NOX4: variants seen among roughly 807,000 people sequenced by gnomAD.
NOX4 encodes the protein kidney oxidase-1.
In NOX4, 69 loss-of-function variants were observed where a neutral mutation model predicts 87.6. The observed-to-expected ratio is 0.79, with a 90% confidence interval of 0.65 to 0.96. The LOEUF is 0.96. NOX4 is among the 40% of genes least tolerant of loss of function. The pLI, the probability that NOX4 is intolerant of heterozygous loss-of-function variation, is 0.00. For synonymous variants in NOX4, 275 were observed against 238.2 expected (o/e 1.15, Z -1.42); for missense variants, 680 against 681.5 (o/e 1.00, Z 0.02).
chr11:89,410,726 T>C (rs1294605481), intron 8 of NOX4, among the ~76,000 whole-genome samples: 1 of 152,126 alleles, frequency 6.6e-6, no homozygotes, highest in African/African-American at 2.4e-5. Flanking sequence ...AAAACCTAAG[T>C]CTCAGCAAGC....
At chr11:89,504,642 A>G in the NOX4 span, among the ~76,000 whole-genome samples, 1 of 152,014 alleles carries the variant, frequency 6.6e-6, no homozygotes, top group Non-Finnish European at 1.5e-5. Flanking sequence ...TTCAACTGCT[A>G]GTCTAAGTTC....
the NOX4 span, among the ~76,000 whole-genome samples, chr11:89,537,611 A>C: frequency 6.6e-6 from 1 of 152,062 alleles, no homozygotes; most frequent in Non-Finnish European, 1.5e-5. Flanking sequence ...ATAGACACTC[A>C]GGGCCCCCCC....
intron 7 of NOX4, among the ~76,000 whole-genome samples, chr11:89,425,580 A>G (rs1194012170): frequency 6.6e-6 from 1 of 152,074 alleles, no homozygotes; most frequent in East Asian, 1.9e-4. Context: ...GGCAAAAAGT[A>G]AATTAAAAGT....
chr11:89,439,011 T>G (rs1393364133), intron 6 of NOX4, among the ~76,000 whole-genome samples: 3 of 113,846 alleles, frequency 2.6e-5, no homozygotes, highest in Non-Finnish European at 5.1e-5. Flanking sequence ...ATTAGTAATA[T>G]TAGTATAATC....
At chr11:89,387,278 G>A (rs374024310) in intron 11 of NOX4, among the ~76,000 whole-genome samples, 38 of 152,158 alleles carry the variant, frequency 2.5e-4, no homozygotes, top group African/African-American at 7.7e-4. Flanking sequence ...GAAAATGGCC[G>A]GTTCCTGCTT....
At chr11:89,410,812 T>G (rs1253251574) in intron 8 of NOX4, among the ~76,000 whole-genome samples, 1 of 152,182 alleles carries the variant, frequency 6.6e-6, no homozygotes, top group Non-Finnish European at 1.5e-5. Flanking sequence ...GGACTGAAAT[T>G]CCCTGCAAGT....
chr11:89,526,192 C>T, the NOX4 span, among the ~76,000 whole-genome samples: 1 of 152,130 alleles, frequency 6.6e-6, no homozygotes, highest in South Asian at 2.1e-4. Flanking sequence ...TTTGAACATT[C>T]ATATACATTT....
intron 13 of NOX4, among the ~76,000 whole-genome samples, chr11:89,354,275 G>A (rs1200572945): frequency 2.6e-5 from 4 of 152,074 alleles, no homozygotes; most frequent in African/African-American, 9.7e-5. Flanking sequence ...CATAGAGGAG[G>A]CCCCAAGATG....
At chr11:89,512,632 T>C in the NOX4 span, among the ~76,000 whole-genome samples, 3 of 152,130 alleles carry the variant, frequency 2.0e-5, no homozygotes, top group South Asian at 2.1e-4. Flanking sequence ...TAATATTACA[T>C]TGTATGTATT....
chr11:89,552,553 T>C, the NOX4 span, among the ~76,000 whole-genome samples: 2 of 152,314 alleles, frequency 1.3e-5, 1 homozygote, highest in South Asian at 4.1e-4. Context: ...TAAGTTACCA[T>C]CTAGATCAAA....
chr11:89,499,774 C>A (rs1946998073), upstream of NOX4, among the ~76,000 whole-genome samples: 1 of 152,144 alleles, frequency 6.6e-6, no homozygotes, highest in African/African-American at 2.4e-5. Context: ...GTCAAAGAAA[C>A]TGTGGAATTA....
intron 5 of NOX4, among the ~76,000 whole-genome samples, chr11:89,441,676 T>G (rs542513635): frequency 1.3e-5 from 2 of 152,056 alleles, no homozygotes; most frequent in Admixed American, 1.3e-4. Flanking sequence ...AACAAAGTGG[T>G]AAGAATAGAA....
chr11:89,386,254 T>C (rs317172), intron 11 of NOX4, among the ~76,000 whole-genome samples: 84,157 of 151,862 alleles, frequency 0.55, 24,832 homozygotes, highest in African/African-American at 0.74. Flanking sequence ...ACCCCAAAAA[T>C]TTGTCATCCC....
chr11:89,482,854 G>A (rs530884137), intron 2 of NOX4, among the ~76,000 whole-genome samples: 8 of 152,132 alleles, frequency 5.3e-5, no homozygotes, highest in Non-Finnish European at 1.0e-4. Flanking sequence ...AAATGTATAA[G>A]GACCTTAGAC....
chr11:89,341,836 G>T (rs1252154134), intron 14 of NOX4, among the ~76,000 whole-genome samples: 1 of 152,104 alleles, frequency 6.6e-6, no homozygotes, highest in Non-Finnish European at 1.5e-5. Context: ...TTTAACAGAG[G>T]AAAAGGACAG....
intron 12 of NOX4, among the ~76,000 whole-genome samples, chr11:89,366,770 T>C (rs1380950808): frequency 2.6e-5 from 4 of 152,072 alleles, no homozygotes; most frequent in South Asian, 2.1e-4. Flanking sequence ...ACTCCTATGT[T>C]TGGGTTTGTG....
At chr11:89,524,753 A>G in the NOX4 span, among the ~76,000 whole-genome samples, 1 of 152,136 alleles carries the variant, frequency 6.6e-6, no homozygotes, top group East Asian at 1.9e-4. Context: ...ATATATAAAT[A>G]CATCGTGAAA....
chr11:89,467,414 G>A (rs1945752253), intron 2 of NOX4, among the ~76,000 whole-genome samples: 1 of 147,516 alleles, frequency 6.8e-6, no homozygotes, highest in African/African-American at 2.5e-5. Flanking sequence ...TATTAGTGCA[G>A]AGCATCTCTC....
At chr11:89,476,074 C>T (rs1238172132) in intron 2 of NOX4, among the ~76,000 whole-genome samples, 4 of 152,146 alleles carry the variant, frequency 2.6e-5, no homozygotes, top group Admixed American at 1.3e-4. Context: ...TCCTAACCTA[C>T]GATTGCTCAT....
Sources: allele counts gnomAD v4.1 joint callset (sites outside exome capture counted in the v4.1 genomes callset), GRCh38; gene constraint gnomAD v4.1.1; transcripts MANE v1.5; gene names NCBI Gene and HGNC (gene_info 2026-07-23, HGNC 2026-07-21).